DPP10: variants seen among roughly 807,000 people sequenced by gnomAD.
The protein encoded by DPP10 is dipeptidyl peptidase like 10.
A neutral mutation model predicts 120.9 loss-of-function variants in DPP10; 33 were observed. That is an observed-to-expected ratio of 0.27 (90% CI 0.21 to 0.37). DPP10 has a LOEUF of 0.37. Among genes scored for constraint, DPP10 ranks in the 10% least tolerant of loss-of-function variants. The pLI is 1.00. For missense variants in DPP10, 816 were observed against 942.8 expected, an observed-to-expected ratio of 0.87 and a Z score of 1.76; for synonymous variants, 337 against 326.1, an observed-to-expected ratio of 1.03 and a Z score of -0.36.
intron 1 of DPP10, among the ~76,000 whole-genome samples, chr2:115,270,539 T>G (rs569679386): frequency 4.1e-4 from 63 of 152,220 alleles, no homozygotes; most frequent in African/African-American, 1.5e-3. Flanking sequence ...GGTGTTGACA[T>G]TAGGTTTTGT....
At chr2:115,654,648 A>G (rs1161756817) in intron 5 of DPP10, among the ~76,000 whole-genome samples, 3 of 151,872 alleles carry the variant, frequency 2.0e-5, no homozygotes, top group East Asian at 3.9e-4. Flanking sequence ...AAATCTTGTC[A>G]TAAGAGAACA....
intron 5 of DPP10, among the ~76,000 whole-genome samples, chr2:115,644,070 A>T (rs892818488): frequency 1.3e-5 from 2 of 152,200 alleles, no homozygotes; most frequent in African/African-American, 4.8e-5. Context: ...ATCCAGTCTC[A>T]TACTGCACAT....
At chr2:114,488,077 G>A (rs1449315962) in intron 1 of DPP10, among the ~76,000 whole-genome samples, 2 of 152,146 alleles carry the variant, frequency 1.3e-5, no homozygotes, top group African/African-American at 4.8e-5. Flanking sequence ...CATACAAATA[G>A]TGTTCGAATG....
At chr2:114,519,463 T>C (rs189404653) in intron 1 of DPP10, among the ~76,000 whole-genome samples, 2 of 152,342 alleles carry the variant, frequency 1.3e-5, no homozygotes, top group East Asian at 3.9e-4. Context: ...GCAATTGGGT[T>C]CCGAGGTCTG....
chr2:114,760,383 A>T (rs1680175607), intron 1 of DPP10, among the ~76,000 whole-genome samples: 1 of 152,128 alleles, frequency 6.6e-6, no homozygotes, highest in African/African-American at 2.4e-5. Flanking sequence ...GGTGAGATAA[A>T]CCTGTGGTAC....
At chr2:115,424,681 A>G (rs762968312) in intron 3 of DPP10, among the ~76,000 whole-genome samples, 1 of 152,094 alleles carries the variant, frequency 6.6e-6, no homozygotes, top group Non-Finnish European at 1.5e-5. Flanking sequence ...AAAATTGAGA[A>G]CCTTAAAATG....
At chr2:114,795,373 C>A (rs1012394726) in intron 1 of DPP10, among the ~76,000 whole-genome samples, 7 of 152,008 alleles carry the variant, frequency 4.6e-5, no homozygotes, top group African/African-American at 1.7e-4. Context: ...CATCTGTAAT[C>A]CCAGCCATTT....
At chr2:115,693,012 C>T (rs2091400057) in intron 7 of DPP10, among the ~76,000 whole-genome samples, 1 of 152,168 alleles carries the variant, frequency 6.6e-6, no homozygotes, top group South Asian at 2.1e-4. Context: ...ACTGTCCTTT[C>T]CACACTAAAT....
At chr2:114,701,850 G>A (rs977995468) in intron 1 of DPP10, among the ~76,000 whole-genome samples, 2 of 152,070 alleles carry the variant, frequency 1.3e-5, no homozygotes, top group Non-Finnish European at 2.9e-5. Flanking sequence ...AGCATTTGAG[G>A]TCATCTATGA....
At chr2:115,733,875 G>C (rs7573773) in intron 8 of DPP10, among the ~76,000 whole-genome samples, 146,881 of 152,274 alleles carry the variant, frequency 0.96, 71,086 homozygotes, top group East Asian at 1. Context: ...AGAGCCAAAC[G>C]TACACTAAAT....
chr2:114,501,558 G>A (rs1354635591), intron 1 of DPP10, among the ~76,000 whole-genome samples: 1 of 152,200 alleles, frequency 6.6e-6, no homozygotes, highest in Admixed American at 6.5e-5. Context: ...CTAGTCTAGA[G>A]AGGCGGAGGA....
intron 13 of DPP10, among the ~76,000 whole-genome samples, chr2:115,770,010 T>C (rs1350695912): frequency 6.6e-6 from 1 of 152,076 alleles, no homozygotes; most frequent in Non-Finnish European, 1.5e-5. Context: ...TTGTAAGAGA[T>C]AGTGAAGGAT....
intron 3 of DPP10, among the ~76,000 whole-genome samples, chr2:115,418,195 TTTGA>T (rs2069601945): frequency 6.6e-6 from 1 of 152,184 alleles, no homozygotes; most frequent in Non-Finnish European, 1.5e-5. Flanking sequence ...TGACTCATTT[TTTGA>T]TTGTCATTGT....
chr2:115,534,798 G>T (rs983444201), intron 5 of DPP10, among the ~76,000 whole-genome samples: 12 of 151,084 alleles, frequency 7.9e-5, no homozygotes, highest in Non-Finnish European at 1.3e-4. Flanking sequence ...TTTAATGATT[G>T]CCATTCTAAC....
intron 17 of DPP10, among the ~76,000 whole-genome samples, chr2:115,788,495 A>G (rs1683582857): frequency 6.6e-6 from 1 of 152,174 alleles, no homozygotes; most frequent in African/African-American, 2.4e-5. Flanking sequence ...AAAGTTGGCA[A>G]AATTCTAGTG....
intron 1 of DPP10, among the ~76,000 whole-genome samples, chr2:115,107,054 G>A (rs368518891): frequency 6.1e-4 from 90 of 148,614 alleles, no homozygotes; most frequent in Non-Finnish European, 1.2e-3. Context: ...CAGCCTGGGC[G>A]ACAGAGCTAG....
intron 1 of DPP10, among the ~76,000 whole-genome samples, chr2:115,271,129 A>T (rs1043340987): frequency 6.6e-6 from 1 of 152,244 alleles, no homozygotes. Context: ...TATGTGTACA[A>T]TATCAACAAA....
chr2:114,871,989 G>A (rs1342625349), intron 1 of DPP10, among the ~76,000 whole-genome samples: 1 of 152,184 alleles, frequency 6.6e-6, no homozygotes, highest in Admixed American at 6.5e-5. Flanking sequence ...ATGATCTGAG[G>A]TAGAACTGAG....
At chr2:115,145,146 A>G (rs935580980) in intron 1 of DPP10, 5 of 149,170 alleles carry the variant, frequency 3.4e-5, no homozygotes, top group African/African-American at 5.0e-5. Context: ...TGTGTGTCAG[A>G]AAAAAAAAAG....
Sources: allele counts gnomAD v4.1 joint callset (sites outside exome capture counted in the v4.1 genomes callset), GRCh38; gene constraint gnomAD v4.1.1; transcripts MANE v1.5; gene names NCBI Gene and HGNC (gene_info 2026-07-23, HGNC 2026-07-21).